Variants in UNC13C observed in about 807,000 individuals in gnomAD.
UNC13C encodes unc-13 homolog C.
A neutral mutation model predicts 245.4 loss-of-function variants in UNC13C; 174 were observed. The ratio of observed to expected loss-of-function variants is 0.71; its 90% CI spans 0.63 to 0.80. The LOEUF (loss-of-function observed/expected upper bound fraction) is 0.80. Among genes scored for constraint, UNC13C ranks in the 30% least tolerant of loss-of-function variants. The pLI, the probability that UNC13C is intolerant of heterozygous loss-of-function variation, is 0.00. For missense variants in UNC13C, 2,829 were observed against 2,602.9 expected (o/e 1.09, Z -1.89); for synonymous variants, 992 against 895.1 (o/e 1.11, Z -1.93).
chr15:54,311,096 T>C (rs1030464494), intron 13 of UNC13C, among the ~76,000 whole-genome samples: 1 of 151,788 alleles, frequency 6.6e-6, no homozygotes, highest in Non-Finnish European at 1.5e-5. Context: ...AAAGGATAGG[T>C]ATTTTTACCA....
the UNC13C span, chr15:53,914,484 A>C: frequency 6.6e-6 from 1 of 152,352 alleles, no homozygotes; most frequent in East Asian, 1.9e-4. Context: ...CCATATTTGC[A>C]GATGCTCCCT....
chr15:54,555,799 C>A (rs960209860), intron 29 of UNC13C, among the ~76,000 whole-genome samples: 29 of 152,064 alleles, frequency 1.9e-4, no homozygotes, highest in African/African-American at 7.0e-4. Context: ...CTCTCTAAAG[C>A]ATAAGTGAAA....
At position 54,015,680 on chromosome 15, in the gene UNC13C, C is replaced by T. The variant is rs1243959825; in HGVS notation, c.2777C>T (p.Ala926Val). 1.2e-6 allele frequency: 2 copies of T among 1,613,532 alleles called. No individual in the cohort carries two copies. Among genetic ancestry groups the T allele is most frequent in the African/African-American group, 2.7e-5 (2 of 74,912 alleles). Reference protein sequence around the residue: ...TPQDEGYDGPADDMVSEEGLE... With the variant: ...TPQDEGYDGPVDDMVSEEGLE... ...CAAGATGAGGGTTATGATGGTCCAG[C>T]AGATGATATGGTTAGTGAAGAGGGG... The change falls in exon 2 of 33, where the codon GCA becomes GTA. Residue 926 changes from alanine (A) to valine (V), a missense_variant. By Grantham distance (64) the Ala-to-Val change is moderately conservative (BLOSUM62 0). Transcript: ENST00000260323.
intron 13 of UNC13C, among the ~76,000 whole-genome samples, chr15:54,318,208 C>T (rs754890591): frequency 2.6e-5 from 4 of 151,860 alleles, no homozygotes; most frequent in Non-Finnish European, 5.9e-5. Flanking sequence ...ATCTCTTTGA[C>T]GTGCTGATTT....
chr15:54,339,640 G>GATATAGATAT (rs959135545), intron 17 of UNC13C, among the ~76,000 whole-genome samples: 1 of 149,692 alleles, frequency 6.7e-6, no homozygotes, highest in East Asian at 2.0e-4. Flanking sequence ...ATTATGTGGA[G>GATATAGATAT]ATATATATAT....
At chr15:54,306,325 T>C (rs1477451285) in intron 13 of UNC13C, among the ~76,000 whole-genome samples, 7 of 151,952 alleles carry the variant, frequency 4.6e-5, no homozygotes, top group Non-Finnish European at 8.8e-5. Context: ...ACCTGAAGAA[T>C]TTGTTCCCAC....
At chr15:54,185,823 T>C (rs1429448411) in intron 4 of UNC13C, among the ~76,000 whole-genome samples, 2 of 151,066 alleles carry the variant, frequency 1.3e-5, no homozygotes, top group Non-Finnish European at 2.9e-5. Flanking sequence ...ACTGGTAGCT[T>C]GATGGGGATG....
chr15:53,921,138 C>T, the UNC13C span, among the ~76,000 whole-genome samples: 41 of 152,036 alleles, frequency 2.7e-4, no homozygotes, highest in Admixed American at 1.4e-3. Context: ...GTAGGTGGGG[C>T]ACAGACATTG....
intron 19 of UNC13C, among the ~76,000 whole-genome samples, chr15:54,425,559 A>T (rs954790229): frequency 2.6e-5 from 4 of 151,846 alleles, no homozygotes; most frequent in Non-Finnish European, 5.9e-5. Flanking sequence ...CAATTATTGT[A>T]GTCCCTCTTA....
At position 54,393,080 on chromosome 15, in the gene UNC13C, G is replaced by T; in HGVS notation, c.4746G>T (p.Gln1582His). The change falls in exon 18 of 33, where the codon CAG becomes CAT. Residue 1582 changes from glutamine (Q) to histidine (H), a missense_variant. Gln to His is a conservative substitution (Grantham distance 24). Coordinates refer to ENST00000260323, the MANE Select transcript of UNC13C (RefSeq NM_001080534.3). ...AACAGGATATTCCTCGTGAAGATCA[G>T]GGACCAACCACCAAGAATTTGGATT... ...SKKQDIPREDQGPTTKNLDFW... is the reference protein window; with the variant it reads ...SKKQDIPREDHGPTTKNLDFW... 2.5e-6 allele frequency: 4 copies of T among 1,609,080 alleles called. No individual in the cohort carries two copies. The highest frequency in any genetic ancestry group is 3.4e-6 in the Non-Finnish European group (4 of 1,177,842).
chr15:54,049,190 A>G, intron 2 of UNC13C: 1 of 460,092 alleles, frequency 2.2e-6, no homozygotes, highest in Non-Finnish European at 4.2e-6. Context: ...CCTTGAAGAA[A>G]AAGATTATTT....
At chr15:54,082,354 A>C (rs928118418) in intron 2 of UNC13C, among the ~76,000 whole-genome samples, 3 of 123,708 alleles carry the variant, frequency 2.4e-5, no homozygotes, top group Non-Finnish European at 3.9e-5. Context: ...TATTCTTTCA[A>C]ATATGTTTTC....
At chr15:54,134,428 GTGTGTGTGTGCGTT>G (rs1197679700) in intron 2 of UNC13C, among the ~76,000 whole-genome samples, 1 of 127,838 alleles carries the variant, frequency 7.8e-6, no homozygotes, top group Admixed American at 7.5e-5. Flanking sequence ...ATCTGTGTGT[GTGTGTGTGTGCGTT>G]TGTGTGTGTA....
intron 1 of UNC13C, among the ~76,000 whole-genome samples, chr15:53,993,477 G>A (rs546034797): frequency 6.6e-6 from 1 of 152,060 alleles, no homozygotes; most frequent in African/African-American, 2.4e-5. Flanking sequence ...AGTCCTGAAG[G>A]GGGTATCTGT....
intron 1 of UNC13C, among the ~76,000 whole-genome samples, chr15:54,006,311 T>G (rs954965335): frequency 5.9e-5 from 9 of 152,206 alleles, no homozygotes; most frequent in African/African-American, 2.2e-4. Flanking sequence ...ACTGATTAGC[T>G]AGAATTAAAG....
intron 17 of UNC13C, among the ~76,000 whole-genome samples, chr15:54,374,831 C>T (rs540163353): frequency 3.9e-5 from 6 of 152,234 alleles, no homozygotes; most frequent in Admixed American, 2.6e-4. Flanking sequence ...ACAGCCTCTC[C>T]AGATGGGCTG....
At chr15:53,980,662 C>T (rs1196903856) in intron 1 of UNC13C, among the ~76,000 whole-genome samples, 3 of 152,026 alleles carry the variant, frequency 2.0e-5, no homozygotes, top group Non-Finnish European at 4.4e-5. Flanking sequence ...GGGTTTATTT[C>T]CTAGCATTCA....
At chr15:53,870,091 C>T in the UNC13C span, among the ~76,000 whole-genome samples, 680 of 152,304 alleles carry the variant, frequency 4.5e-3, 4 homozygotes, top group African/African-American at 0.015. Context: ...TGTACTCCTA[C>T]GCTTACAATG....
the UNC13C span, among the ~76,000 whole-genome samples, chr15:53,915,388 T>TAG: frequency 6.6e-6 from 1 of 152,200 alleles, no homozygotes; most frequent in Non-Finnish European, 1.5e-5. Flanking sequence ...AACCGGGCTG[T>TAG]AGAGAAGACA....
Sources: gnomAD v4.1 joint callset for allele counts (sites outside exome capture counted in the v4.1 genomes callset) on GRCh38, gnomAD v4.1.1 for gene constraint, MANE v1.5 for transcripts, NCBI Gene and HGNC (gene_info 2026-07-23, HGNC 2026-07-21) for gene names.